The following GP2 variants were observed in gnomAD, a reference collection of about 807,000 sequenced individuals.
GP2 encodes pancreatic secretory granule membrane major glycoprotein GP2.
In GP2, 58 loss-of-function variants were observed where a neutral mutation model predicts 60.8. The ratio of observed to expected loss-of-function variants is 0.95; its 90% CI spans 0.77 to 1.19. The LOEUF (loss-of-function observed/expected upper bound fraction) is 1.19, where lower values mean the gene tolerates loss of function less well. GP2 is among the 50% of genes most tolerant of loss of function. The probability of loss-of-function intolerance (pLI) is 0.00; values close to 1 mark genes in which losing one functional copy is unlikely to be tolerated. For synonymous variants in GP2, 280 were observed against 253.4 expected, an observed-to-expected ratio of 1.10 and a Z score of -1.00; for missense variants, 647 against 667.4, an observed-to-expected ratio of 0.97 and a Z score of 0.34.
rs78765349 is a variant in GP2 at position 20,314,698 on chromosome 16, G to T, written c.1505C>A (p.Ala502Glu). The change falls in exon 10 of 11, where the codon GCA becomes GAA. Residue 502 changes from alanine to glutamate, a missense_variant. Coordinates refer to ENST00000302555, the MANE Select transcript of GP2 (RefSeq NM_001502.4). ...TCCATTCATGACACCGGGAGACTGT[G>T]CACCTGTGAACAAGAACAGAAGGGG... The part of the protein sequence containing the change: ...LDLGPITRRG[A>E]QSPGVMNGTP... 1 of 1,602,530 alleles carries T rather than the reference G, an allele frequency of 6.2e-7. No individual in the cohort carries two copies. The highest frequency in any genetic ancestry group is 2.2e-5 in the East Asian group (1 of 44,818).
chr16:20,324,653 G>T (rs1964480157), intron 2 of GP2, among the ~76,000 whole-genome samples: 1 of 152,160 alleles, frequency 6.6e-6, no homozygotes, highest in Non-Finnish European at 1.5e-5. Flanking sequence ...GTTGTCATAA[G>T]CCCATCTCAT....
rs543057179 is a variant in GP2, at chr16:20,314,536, A to T, written c.1546+121T>A. 8 of 777,084 alleles carry T rather than the reference A, an allele frequency of 1.0e-5. No homozygotes were observed. The African/African-American group carries it at 1.2e-4, about 11-fold the overall frequency. The allele number at this position is 777,084 out of a possible 1,614,324, so 48.1% of individuals were successfully genotyped here. On this transcript the variant is annotated intron_variant, in intron 10 of 10. Transcript: ENST00000302555. ...CTATACTGTGGGCATCTCAAAGGCCAATCTTAGGTCTGATTAATGTCAGTG... is the reference window on the plus strand; with the variant it reads ...CTATACTGTGGGCATCTCAAAGGCCTATCTTAGGTCTGATTAATGTCAGTG...
chr16:20,318,279 C>A lies in GP2; in HGVS notation c.1159G>T (p.Asp387Tyr), dbSNP rs1964246730. The A allele has an allele frequency of 6.2e-7, 1 of 1,613,172 alleles. No homozygotes were observed. Among genetic ancestry groups the A allele is most frequent in the Non-Finnish European group, 8.5e-7 (1 of 1,179,106 alleles). ...AACACCAGGTTAAACCGGGAGGTGT[C>A]CCCTTGTTCCAAGATGGCACCCACA... is the stretch of plus-strand genomic sequence containing the variant. The part of the protein sequence containing the change: ...LYVGAILEQG[D>Y]TSRFNLVLRN... The change falls in exon 7 of 11, where the codon GAC becomes TAC. Residue 387 changes from aspartate to tyrosine, a missense_variant. Coordinates refer to ENST00000302555, the MANE Select transcript of GP2 (RefSeq NM_001502.4).
Position 20,318,396 on chromosome 16 carries a change from A to G in GP2, c.1042T>C (p.Phe348Leu). Reference protein sequence around the residue: ...LNVSVDGNGEFIVRMALFQDQ... With the variant: ...LNVSVDGNGELIVRMALFQDQ... Reference sequence around the variant, plus strand: ...TGGAAGAGGGCCATCCTGACAATGAACTCTCCATTCCCGTCCACACTGACG... The same window carrying G: ...TGGAAGAGGGCCATCCTGACAATGAGCTCTCCATTCCCGTCCACACTGACG... Residue 348 changes from phenylalanine (F) to leucine (L), a missense_variant, in exon 7 of 11, where the codon TTC becomes CTC. Transcript: ENST00000302555. The G allele has an allele frequency of 6.2e-7, 1 of 1,613,178 alleles. No individual in the cohort carries two copies.
At chr16:20,311,370 G>A (rs1425983844) in intron 10 of GP2, 89 bp from the exon 11 acceptor site, 3 of 789,414 alleles carry the variant, frequency 3.8e-6, no homozygotes, top group African/African-American at 3.4e-5. Context: ...CACAACACAA[G>A]GATGAGAAAG....
intron 3 of GP2, chr16:20,323,345 C>T (rs1410938601): frequency 1.4e-6 from 1 of 718,268 alleles, no homozygotes; most frequent in East Asian, 2.7e-5. Context: ...CTTAATCTCT[C>T]TGTGCCCCTA....
intron 10 of GP2, 51 bp from the exon 11 acceptor site, chr16:20,311,332 G>A (rs774407477): frequency 2.7e-6 from 3 of 1,124,160 alleles, no homozygotes; most frequent in East Asian, 4.7e-5. Context: ...GGAGTCAGGA[G>A]CAAACATAAG....
chr16:20,319,850 A>G, intron 5 of GP2, 82 bp from the exon 6 acceptor site: 1 of 1,159,010 alleles, frequency 8.6e-7, no homozygotes, highest in Non-Finnish European at 1.3e-6. Context: ...TGATTTCCAG[A>G]GTCAATTTGC....
At position 20,323,874 on chromosome 16, in the gene GP2, G is replaced by C. The variant is rs758067941; in HGVS notation, c.477C>G (p.Gly159=). The C allele has an allele frequency of 1.2e-6, 2 of 1,613,836 alleles. No individual in the cohort carries two copies. The highest frequency in any genetic ancestry group is 2.7e-5 in the African/African-American group (2 of 74,934). Reference sequence around the variant, plus strand: ...CTTCCAACCGGTACACATGGTACCCGCCTGGGCAGGCCTTCACCAGCACCT... The same window carrying C: ...CTTCCAACCGGTACACATGGTACCCCCCTGGGCAGGCCTTCACCAGCACCT... ...KTEVLVKACP[G]GYHVYRLEGT... is the part of the protein sequence containing the mutation. The change falls in exon 3 of 11, where the codon GGC becomes GGG. Residue 159 remains glycine, a synonymous_variant. Transcript: ENST00000302555.
In GP2 at chr16:20,310,753, C is replaced by CTTT. The variant is rs10653884; in HGVS notation, c.*467_*469dup. ...ACAGAAACCCCACTATGTTGCTTTT[C>CTTT]TTTTTTTTTTTTTTTTTTCCTGAGA... On this transcript the variant is annotated 3_prime_UTR_variant, in exon 11 of 11. Transcript: ENST00000302555. 43 of 128,932 alleles carry CTTT rather than the reference C, an allele frequency of 3.3e-4. 1 individual carries two copies. The highest frequency in any genetic ancestry group is 2.9e-3 in the South Asian group (11 of 3,736). 8.0% of individuals were successfully genotyped at this position (128,932 alleles called of 1,614,324 possible).
At chr16:20,319,012 T>G (rs1964267270) in intron 6 of GP2, among the ~76,000 whole-genome samples, 1 of 152,136 alleles carries the variant, frequency 6.6e-6, no homozygotes, top group Non-Finnish European at 1.5e-5. Flanking sequence ...AGGAACTGAT[T>G]CAACAGGGCC....
At chr16:20,316,375 G>A (rs1216763645) in intron 8 of GP2, among the ~76,000 whole-genome samples, 5 of 152,290 alleles carry the variant, frequency 3.3e-5, no homozygotes, top group East Asian at 1.9e-4. Context: ...GTAAGCACTC[G>A]GAAAATGCCA....
chr16:20,318,504 A>T lies in GP2; in HGVS notation c.1008-74T>A, dbSNP rs1474423700. ...ATCAAGCCCTGCACTTACTTAACAC[A>T]CTTACGAAGGCAAGGACACACATCT... On this transcript the variant is annotated intron_variant, in intron 6 of 10. Coordinates refer to ENST00000302555, the MANE Select transcript of GP2 (RefSeq NM_001502.4). The T allele has an allele frequency of 3.6e-6, 5 of 1,387,308 alleles. No individual in the cohort carries two copies. In the African/African-American group the frequency reaches 5.7e-5, roughly 16 times the overall value. The allele number at this position is 1,387,308 out of a possible 1,614,324, so 85.9% of individuals were successfully genotyped here. A position where few individuals can be genotyped will look rare whatever the true frequency, so the allele number is the denominator to read the frequency against.
At position 20,326,337 on chromosome 16, in the gene GP2, C is replaced by T. The variant is rs750417983; in HGVS notation, c.94+1G>A. The stretch of plus-strand genomic sequence containing the variant: ...AGATGCCAGGTGAGCAGAATACTTA[C>T]CTCGCTGCACTGCAGATGCCTGGGT... On this transcript the variant is annotated splice_donor_variant, in intron 2 of 10. Coordinates refer to ENST00000302555, the MANE Select transcript of GP2 (RefSeq NM_001502.4). LOFTEE classifies it high-confidence loss of function. The T allele has an allele frequency of 1.2e-6, 2 of 1,613,790 alleles. No individual in the cohort carries two copies. The highest frequency in any genetic ancestry group is 2.2e-5 in the South Asian group (2 of 91,088).
chr16:20,316,138 C>T, intron 8 of GP2, 98 bp from the exon 9 acceptor site: 1 of 749,836 alleles, frequency 1.3e-6, no homozygotes, highest in East Asian at 2.6e-5. Flanking sequence ...AGAACTGTGT[C>T]CAGAACTGGT....
intron 4 of GP2, among the ~76,000 whole-genome samples, chr16:20,322,030 G>A (rs370381882): frequency 2.0e-5 from 3 of 152,222 alleles, no homozygotes; most frequent in Non-Finnish European, 4.4e-5. Flanking sequence ...GGAGATCAAG[G>A]TTGTTGGTTG....
intron 10 of GP2, 68 bp downstream of exon 10, chr16:20,314,578 TGGGCCATAAAA>T: frequency 1.0e-6 from 1 of 961,752 alleles, no homozygotes; most frequent in Non-Finnish European, 1.7e-6. Flanking sequence ...GCATAGGGTC[TGGGCCATAAAA>T]GGGGCAGAAT....
In GP2 at chr16:20,322,890, T is replaced by C; in HGVS notation, c.625A>G (p.Arg209Gly). 1 of 1,605,806 alleles carries C rather than the reference T, an allele frequency of 6.2e-7. No individual in the cohort carries two copies. The highest frequency in any genetic ancestry group is 8.5e-7 in the Non-Finnish European group (1 of 1,172,432). Reference protein sequence around the residue: ...ALNSTWGCFCRQDLNSSDVHS... With the variant: ...ALNSTWGCFCGQDLNSSDVHS... The stretch of plus-strand genomic sequence containing the variant: ...TCACCAGAACTATTGAGGTCCTGTC[T>C]GCAGAAACAGCCCCAGGTGCTGTTG... The change falls in exon 4 of 11, where the codon AGA (arginine) becomes GGA (glycine). Residue 209 changes from arginine (R) to glycine (G), a missense_variant. Physicochemically the swap from Arg to Gly is moderately radical, Grantham distance 125. Coordinates refer to ENST00000302555, the MANE Select transcript of GP2 (RefSeq NM_001502.4).
chr16:20,318,170 A>G lies in GP2; in HGVS notation c.1253+15T>C. On this transcript the variant is annotated intron_variant, in intron 7 of 10. Coordinates refer to ENST00000302555, the MANE Select transcript of GP2 (RefSeq NM_001502.4). ...GTTAGTAAGGCCAAATGATAATTCC[A>G]GAATTGCTCGTTACCTGTTTCTGAT... 2 of 1,610,022 alleles carry G rather than the reference A, an allele frequency of 1.2e-6. No homozygotes were observed. The highest frequency in any genetic ancestry group is 1.1e-5 in the South Asian group (1 of 91,002).
Sources: allele counts gnomAD v4.1 joint callset (sites outside exome capture counted in the v4.1 genomes callset), GRCh38; gene constraint gnomAD v4.1.1; transcripts MANE v1.5; gene names NCBI Gene and HGNC (gene_info 2026-07-23, HGNC 2026-07-21).